RCL1: variants seen among roughly 807,000 people sequenced by gnomAD.
The protein encoded by RCL1 is RNA 3'-terminal phosphate cyclase-like protein.
RCL1 carries 24 observed loss-of-function variants against 42.4 expected under a neutral mutation model. The observed-to-expected ratio is 0.57, with a 90% CI of 0.41 to 0.80. The LOEUF is 0.80. Among genes scored for constraint, RCL1 ranks in the 30% least tolerant of loss-of-function variants. The pLI, the probability that RCL1 is intolerant of heterozygous loss-of-function variation, is 0.00. For missense variants in RCL1, 578 were observed against 467.9 expected (o/e 1.24, Z -2.17); for synonymous variants, 228 against 177.3 (o/e 1.29, Z -2.27).
At chr9:4,860,104 A>G in intron 8 of RCL1, 21 bp from the exon 9 acceptor site, 1 of 1,468,674 alleles carries the variant, frequency 6.8e-7, no homozygotes, top group South Asian at 1.3e-5. Flanking sequence ...TTATTTATTT[A>G]TTTATTTTTT....
intron 1 of RCL1, among the ~76,000 whole-genome samples, chr9:4,793,592 C>A (rs1377997859): frequency 6.6e-6 from 1 of 152,150 alleles, no homozygotes; most frequent in East Asian, 1.9e-4. Flanking sequence ...TTTGTTGGAC[C>A]GAAATATGGT....
chr9:4,805,337 C>G (rs566150017), intron 1 of RCL1, among the ~76,000 whole-genome samples: 32 of 152,042 alleles, frequency 2.1e-4, no homozygotes, highest in Admixed American at 3.3e-4. Context: ...TACAGTGAGC[C>G]GTGATCATGC....
At chr9:4,820,273 T>C (rs965643950) in intron 1 of RCL1, among the ~76,000 whole-genome samples, 1 of 152,154 alleles carries the variant, frequency 6.6e-6, no homozygotes, top group African/African-American at 2.4e-5. Context: ...TCTACACAGG[T>C]TGGCCTAGTA....
At chr9:4,796,081 C>A (rs1306640316) in intron 1 of RCL1, among the ~76,000 whole-genome samples, 2 of 152,100 alleles carry the variant, frequency 1.3e-5, no homozygotes, top group African/African-American at 4.8e-5. Context: ...ATAAACAGTT[C>A]TTTTTTTAAA....
intron 4 of RCL1, 115 bp from the exon 5 acceptor site, chr9:4,834,026 G>T: frequency 8.6e-7 from 1 of 1,157,252 alleles, no homozygotes; most frequent in Non-Finnish European, 1.2e-6. Flanking sequence ...ATTGAATATG[G>T]AAGAGCTATG....
At chr9:4,806,256 A>G (rs1039666759) in intron 1 of RCL1, among the ~76,000 whole-genome samples, 2 of 151,964 alleles carry the variant, frequency 1.3e-5, no homozygotes, top group African/African-American at 4.8e-5. Flanking sequence ...CACTGGCTAG[A>G]ATTTCTAGCA....
intron 8 of RCL1, among the ~76,000 whole-genome samples, chr9:4,857,471 C>G (rs1219968681): frequency 6.6e-6 from 1 of 151,312 alleles, no homozygotes; most frequent in Non-Finnish European, 1.5e-5. Context: ...AAAAAAAAAT[C>G]TTCCATTGAA....
intron 5 of RCL1, chr9:4,839,785 G>C: frequency 1.0e-6 from 1 of 963,712 alleles, no homozygotes; most frequent in Non-Finnish European, 1.2e-6. Context: ...CAGAGGTAAA[G>C]CCCTTGCCCT....
intron 7 of RCL1, among the ~76,000 whole-genome samples, chr9:4,848,966 AAAGT>A (rs1385098453): frequency 2.0e-5 from 3 of 152,184 alleles, no homozygotes; most frequent in Admixed American, 6.5e-5. Context: ...AATAAGTGTA[AAAGT>A]AAGGCCATGA....
At chr9:4,825,571 T>C (rs986683204) in intron 2 of RCL1, among the ~76,000 whole-genome samples, 1 of 152,226 alleles carries the variant, frequency 6.6e-6, no homozygotes, top group African/African-American at 2.4e-5. Flanking sequence ...CAAGAACTTT[T>C]TCCCATTTGA....
At chr9:4,798,842 A>C (rs1043497981) in intron 1 of RCL1, among the ~76,000 whole-genome samples, 1 of 151,462 alleles carries the variant, frequency 6.6e-6, no homozygotes, top group Non-Finnish European at 1.5e-5. Flanking sequence ...TATGCTTCCA[A>C]GTGATGATTT....
intron 5 of RCL1, among the ~76,000 whole-genome samples, chr9:4,835,614 T>C (rs1015326543): frequency 2.6e-5 from 4 of 152,208 alleles, no homozygotes; most frequent in Non-Finnish European, 4.4e-5. Flanking sequence ...AAAAGATTGG[T>C]AAGGATTTGA....
chr9:4,859,233 T>C (rs1818075324), intron 8 of RCL1, among the ~76,000 whole-genome samples: 1 of 152,216 alleles, frequency 6.6e-6, no homozygotes, highest in African/African-American at 2.4e-5. Context: ...GTGATGCCAT[T>C]GTCCTTGTTG....
intron 7 of RCL1, among the ~76,000 whole-genome samples, chr9:4,848,784 C>G (rs1397542262): frequency 2.0e-5 from 3 of 152,086 alleles, no homozygotes; most frequent in African/African-American, 7.2e-5. Flanking sequence ...GTCTGTTCTG[C>G]TTGTTAATTT....
intron 6 of RCL1, among the ~76,000 whole-genome samples, chr9:4,841,622 G>T (rs1209956737): frequency 6.6e-6 from 1 of 152,166 alleles, no homozygotes; most frequent in African/African-American, 2.4e-5. Flanking sequence ...AATACACAAT[G>T]CTTTAGGCTT....
intron 1 of RCL1, among the ~76,000 whole-genome samples, chr9:4,815,442 A>G (rs1255775669): frequency 1.1e-5 from 1 of 88,172 alleles, no homozygotes; most frequent in Middle Eastern, 6.2e-3. Flanking sequence ...AAGCTGCAGT[A>G]TTTTTCTTTT....
intron 1 of RCL1, among the ~76,000 whole-genome samples, chr9:4,817,709 C>T (rs765885364): frequency 6.6e-6 from 1 of 151,944 alleles, no homozygotes; most frequent in Non-Finnish European, 1.5e-5. Context: ...GTTGCCCATG[C>T]TGGTCTTGAA....
At chr9:4,812,599 C>A (rs919380443) in intron 1 of RCL1, among the ~76,000 whole-genome samples, 47 of 151,930 alleles carry the variant, frequency 3.1e-4, no homozygotes, top group African/African-American at 1.1e-3. Flanking sequence ...GTTCTTTTTT[C>A]TCAGAATTGC....
At chr9:4,826,534 C>G (rs1816768847) in intron 2 of RCL1, among the ~76,000 whole-genome samples, 10 of 152,160 alleles carry the variant, frequency 6.6e-5, no homozygotes, top group Admixed American at 6.5e-4. Context: ...TCAGCCTAGT[C>G]TGAGAATGTG....
Sources: allele counts gnomAD v4.1 joint callset (sites outside exome capture counted in the v4.1 genomes callset), GRCh38; gene constraint gnomAD v4.1.1; transcripts MANE v1.5; gene names NCBI Gene and HGNC (gene_info 2026-07-23, HGNC 2026-07-21).